Variants in GPHN observed in about 807,000 individuals in gnomAD.
GPHN encodes the protein gephyrin.
GPHN carries 17 observed loss-of-function variants against 95.5 expected under a neutral mutation model. The ratio of observed to expected loss-of-function variants is 0.18; its 90% CI spans 0.12 to 0.27. GPHN has a LOEUF of 0.27. GPHN is among the 10% of genes least tolerant of loss of function. GPHN has a pLI of 1.00. For missense variants in GPHN, 660 were observed against 978.1 expected, an observed-to-expected ratio of 0.67 and a Z score of 4.34; for synonymous variants, 320 against 322.5, an observed-to-expected ratio of 0.99 and a Z score of 0.08.
intron 9 of GPHN, among the ~76,000 whole-genome samples, chr14:66,979,751 C>T (rs900925469): frequency 6.6e-6 from 1 of 152,192 alleles, no homozygotes; most frequent in Non-Finnish European, 1.5e-5. Flanking sequence ...CACAAGTAGC[C>T]TAGCTTTCTG....
intron 8 of GPHN, among the ~76,000 whole-genome samples, chr14:66,927,905 A>G (rs1485913234): frequency 6.6e-6 from 1 of 152,170 alleles, no homozygotes; most frequent in African/African-American, 2.4e-5. Flanking sequence ...GTCATGATGA[A>G]TGATGTTTTT....
At chr14:66,672,306 A>G (rs2153385199) in intron 1 of GPHN, among the ~76,000 whole-genome samples, 1 of 152,232 alleles carries the variant, frequency 6.6e-6, no homozygotes. Flanking sequence ...AGCCAACACT[A>G]TAATTTTGTG....
intron 8 of GPHN, among the ~76,000 whole-genome samples, chr14:66,947,160 T>C (rs2067806581): frequency 6.6e-6 from 1 of 152,204 alleles, no homozygotes; most frequent in African/African-American, 2.4e-5. Context: ...CTTTATTGCT[T>C]ACTAAGCTCC....
At chr14:67,278,223 A>G in the GPHN span, among the ~76,000 whole-genome samples, 1 of 151,952 alleles carries the variant, frequency 6.6e-6, no homozygotes, top group Non-Finnish European at 1.5e-5. Flanking sequence ...TTTTCTTAGT[A>G]GAGACGGGGT....
At chr14:66,635,727 G>A (rs1313209530) in intron 1 of GPHN, among the ~76,000 whole-genome samples, 1 of 152,110 alleles carries the variant, frequency 6.6e-6, no homozygotes, top group African/African-American at 2.4e-5. Flanking sequence ...GAGGTGTACT[G>A]GAATTCCTAG....
chr14:67,141,930 G>A (rs1358625102), intron 17 of GPHN, among the ~76,000 whole-genome samples: 1 of 152,206 alleles, frequency 6.6e-6, no homozygotes, highest in East Asian at 1.9e-4. Context: ...ATATTTGTGA[G>A]AACATATGCT....
chr14:67,127,370 A>G lies in GPHN; in HGVS notation c.1748+4993A>G, dbSNP rs115514946. ...TTTGTTTTTGTTTTTGTTTTGCCGA[A>G]TTGACATAAAAAACAATTATTTTAA... On this transcript the variant is annotated intron_variant, in intron 17 of 22. Coordinates refer to ENST00000478722, the MANE Select transcript of GPHN (RefSeq NM_020806.5). Among the ~76,000 whole-genome samples the G allele has an allele frequency of 6.5e-3, 839 of 129,754 alleles. 3 individuals are homozygous for G. Among genetic ancestry groups the G allele is most frequent in the African/African-American group, 0.026 (801 of 30,344 alleles). The allele number at this position is 129,754 out of a possible 152,430, so 85.1% of individuals were successfully genotyped here.
chr14:67,188,762 G>A, the GPHN span, among the ~76,000 whole-genome samples: 1 of 150,660 alleles, frequency 6.6e-6, no homozygotes, highest in East Asian at 1.9e-4. Context: ...TACAGCCCTC[G>A]GCTCAGTTTC....
At chr14:66,959,850 C>G (rs777990565) in intron 8 of GPHN, among the ~76,000 whole-genome samples, 1 of 152,034 alleles carries the variant, frequency 6.6e-6, no homozygotes, top group Non-Finnish European at 1.5e-5. Flanking sequence ...TCTGGGACCA[C>G]CATTAATCAT....
chr14:67,569,654 C>G, the GPHN span: 2 of 516,804 alleles, frequency 3.9e-6, no homozygotes, highest in African/African-American at 1.9e-5. Context: ...ACATCTGCAA[C>G]AGTGGAACAC....
the GPHN span, among the ~76,000 whole-genome samples, chr14:67,410,523 G>A: frequency 3.3e-5 from 5 of 152,264 alleles, no homozygotes; most frequent in East Asian, 1.9e-4. Flanking sequence ...TGGGCGTGGC[G>A]CTTTGTACTG....
chr14:67,347,500 C>CTTTTTT, the GPHN span: 8 of 1,301,044 alleles, frequency 6.1e-6, no homozygotes, highest in Admixed American at 8.2e-5. Context: ...TTTAAGTTCT[C>CTTTTTT]TCTTTTTTTT....
At chr14:66,720,544 G>A (rs570587746) in intron 2 of GPHN, among the ~76,000 whole-genome samples, 1 of 152,206 alleles carries the variant, frequency 6.6e-6, no homozygotes, top group South Asian at 2.1e-4. Flanking sequence ...TATCAGACCA[G>A]TTTTTCCAGG....
the GPHN span, among the ~76,000 whole-genome samples, chr14:67,319,433 T>TC: frequency 2.0e-5 from 3 of 152,110 alleles, no homozygotes; most frequent in Non-Finnish European, 4.4e-5. Context: ...GGGTTAGCAT[T>TC]CCAGAGTAGA....
chr14:67,579,208 CCAGG>C, the GPHN span: 1 of 1,611,160 alleles, frequency 6.2e-7, no homozygotes, highest in Non-Finnish European at 8.5e-7. Flanking sequence ...GAGCGGGAAG[CCAGG>C]CCATCGCGCA....
At chr14:67,557,126 A>T in the GPHN span, 1 of 619,356 alleles carries the variant, frequency 1.6e-6, no homozygotes, top group Non-Finnish European at 2.8e-6. Flanking sequence ...TAATTGAATT[A>T]ATTGGCTCAG....
chr14:67,502,329 T>G, the GPHN span, among the ~76,000 whole-genome samples: 1 of 147,430 alleles, frequency 6.8e-6, no homozygotes. Flanking sequence ...AGACTCCATC[T>G]CAAAAAAAAG....
intron 9 of GPHN, among the ~76,000 whole-genome samples, chr14:67,022,945 A>T (rs897993895): frequency 1.3e-5 from 2 of 151,512 alleles, no homozygotes; most frequent in African/African-American, 4.9e-5. Flanking sequence ...TAAACATTTG[A>T]GTCAAAGCAT....
At chr14:67,126,609 A>G (rs1227485294) in intron 17 of GPHN, among the ~76,000 whole-genome samples, 3 of 152,208 alleles carry the variant, frequency 2.0e-5, no homozygotes, top group Non-Finnish European at 2.9e-5. Flanking sequence ...AGATTTTGAA[A>G]GGATGTGGAG....
Sources: allele counts gnomAD v4.1 joint callset (sites outside exome capture counted in the v4.1 genomes callset), GRCh38; gene constraint gnomAD v4.1.1; transcripts MANE v1.5; gene names NCBI Gene and HGNC (gene_info 2026-07-23, HGNC 2026-07-21).